Variants in ZC3H3 observed in about 807,000 individuals in gnomAD.
The protein encoded by ZC3H3 is zinc finger CCCH-type containing 3, also known as zinc finger CCCH domain-containing protein 3.
In ZC3H3, 36 loss-of-function variants were observed where a neutral mutation model predicts 77.3. That is an observed-to-expected ratio of 0.47 (90% confidence interval 0.36 to 0.61). The LOEUF is 0.61. Among genes scored for constraint, ZC3H3 ranks in the 20% least tolerant of loss-of-function variants. The pLI is 0.00. For missense variants in ZC3H3, 1,331 were observed against 1,312.2 expected, an observed-to-expected ratio of 1.01 and a Z score of -0.22; for synonymous variants, 626 against 555.2, an observed-to-expected ratio of 1.13 and a Z score of -1.79.
chr8:143,490,780 T>C (rs1238104928), intron 4 of ZC3H3, among the ~76,000 whole-genome samples: 3 of 152,066 alleles, frequency 2.0e-5, no homozygotes, highest in East Asian at 1.9e-4. Flanking sequence ...CCATGAGTGG[T>C]GGTAGGTGCC....
At chr8:143,461,891 A>C (rs1490317632) in intron 9 of ZC3H3, among the ~76,000 whole-genome samples, 1 of 151,320 alleles carries the variant, frequency 6.6e-6, no homozygotes, top group African/African-American at 2.4e-5. Flanking sequence ...CAGCTGTACC[A>C]CTCTAAGTTT....
At position 143,437,898 on chromosome 8, in the gene ZC3H3, T is replaced by C; in HGVS notation, c.*158A>G. ...CCAGGCCCTGCGCACACGCTGGTCA[T>C]GGAAGGTTGAGGGCCAGGCAGGCAG... On this transcript the variant is annotated 3_prime_UTR_variant, in exon 12 of 12. Transcript: ENST00000262577. 2 of 1,015,832 alleles carry C rather than the reference T, an allele frequency of 2.0e-6. No homozygotes were observed. Among genetic ancestry groups the C allele is most frequent in the Non-Finnish European group, 3.0e-6 (2 of 677,796 alleles). The allele number at this position is 1,015,832 out of a possible 1,614,324, so 62.9% of individuals were successfully genotyped here.
At position 143,491,046 on chromosome 8, in the gene ZC3H3, G is replaced by A. The variant is rs140921939; in HGVS notation, c.1716-15461C>T. On this transcript the variant is annotated intron_variant, in intron 4 of 11. Coordinates refer to ENST00000262577, the MANE Select transcript of ZC3H3 (RefSeq NM_015117.3). ...GACATTTTATTTCTTCCTGTCAGGG[G>A]TGGTTTTTCAGTTTCCAGGAATGTC... Among the ~76,000 whole-genome samples the A allele has an allele frequency of 1.6e-3, 251 of 152,366 alleles. 1 individual carries two copies. Among genetic ancestry groups the A allele is most frequent in the Middle Eastern group, 0.014 (4 of 294 alleles).
At chr8:143,537,920 G>A (rs1020754075) in intron 2 of ZC3H3, 83 bp downstream of exon 2, 20 of 1,332,182 alleles carry the variant, frequency 1.5e-5, no homozygotes, top group African/African-American at 1.0e-4. Context: ...GCAAAGCTCC[G>A]AGCTCAGCAG....
intron 3 of ZC3H3, among the ~76,000 whole-genome samples, chr8:143,526,320 G>C (rs920696931): frequency 6.6e-6 from 1 of 152,230 alleles, no homozygotes; most frequent in African/African-American, 2.4e-5. Context: ...AGTGAGCAAG[G>C]GCAGGGCCAG....
At chr8:143,511,162 G>A (rs984139385) in intron 3 of ZC3H3, among the ~76,000 whole-genome samples, 5 of 152,204 alleles carry the variant, frequency 3.3e-5, no homozygotes, top group South Asian at 2.1e-4. Context: ...CAGGCACCTC[G>A]AGAGCCCTGC....
At chr8:143,535,028 A>T (rs1395196822) in intron 3 of ZC3H3, among the ~76,000 whole-genome samples, 2 of 151,208 alleles carry the variant, frequency 1.3e-5, no homozygotes, top group Non-Finnish European at 2.9e-5. Flanking sequence ...GCCTCCCTAG[A>T]TGACGGTACG....
intron 4 of ZC3H3, among the ~76,000 whole-genome samples, chr8:143,490,419 T>C (rs1267297113): frequency 1.3e-5 from 2 of 152,178 alleles, no homozygotes; most frequent in Non-Finnish European, 2.9e-5. Context: ...CCAACTGCAG[T>C]GACCACCCAG....
intron 9 of ZC3H3, among the ~76,000 whole-genome samples, chr8:143,446,113 C>T (rs753674970): frequency 3.3e-5 from 5 of 152,074 alleles, no homozygotes; most frequent in Non-Finnish European, 5.9e-5. Context: ...ATGGGCTTTT[C>T]GAGGCCAGGC....
intron 9 of ZC3H3, among the ~76,000 whole-genome samples, chr8:143,464,435 C>T (rs1011404711): frequency 2.6e-5 from 4 of 152,160 alleles, no homozygotes; most frequent in African/African-American, 9.7e-5. Flanking sequence ...ACCCTTGGCC[C>T]GGCAGCAGGG....
At chr8:143,474,941 C>T (rs569230857) in intron 5 of ZC3H3, among the ~76,000 whole-genome samples, 14 of 152,326 alleles carry the variant, frequency 9.2e-5, no homozygotes, top group Admixed American at 7.2e-4. Flanking sequence ...TGCGCTCGCC[C>T]GGGCGTGTTT....
chr8:143,491,643 A>AC (rs1821206250), intron 4 of ZC3H3, among the ~76,000 whole-genome samples: 1 of 151,642 alleles, frequency 6.6e-6, no homozygotes, highest in South Asian at 2.1e-4. Flanking sequence ...TACAGAGAGG[A>AC]CCCCCCTGTC....
chr8:143,464,141 G>A (rs1023996390), intron 9 of ZC3H3, among the ~76,000 whole-genome samples: 5 of 152,250 alleles, frequency 3.3e-5, no homozygotes, highest in South Asian at 2.1e-4. Flanking sequence ...GGATCTGGCC[G>A]GCTCAGCGCT....
In ZC3H3 at chr8:143,523,258, G is replaced by A. The variant is rs1464164164; in HGVS notation, c.1561+12999C>T. ...CCTCCCACTGCACACAACCCTCCAG[G>A]CTTGCTCCACGTCCCCAGGGGCTAT... On this transcript the variant is annotated intron_variant, in intron 3 of 11. Transcript: ENST00000262577. The A allele has an allele frequency of 3.1e-6, 3 of 957,938 alleles. No homozygotes were observed. The African/African-American group carries it at 5.3e-5, about 17-fold the overall frequency. The allele number at this position is 957,938 out of a possible 1,614,324, so 59.3% of individuals were successfully genotyped here.
At chr8:143,499,329 G>A (rs967033351) in intron 4 of ZC3H3, among the ~76,000 whole-genome samples, 1 of 152,112 alleles carries the variant, frequency 6.6e-6, no homozygotes, top group Non-Finnish European at 1.5e-5. Flanking sequence ...CCAGAGCATG[G>A]TGGGAGCCGG....
chr8:143,526,808 C>T (rs924325626), intron 3 of ZC3H3, among the ~76,000 whole-genome samples: 4 of 152,168 alleles, frequency 2.6e-5, no homozygotes, highest in African/African-American at 7.2e-5. Context: ...CGCCTCAGTG[C>T]CCAGAGCCAC....
intron 4 of ZC3H3, among the ~76,000 whole-genome samples, chr8:143,485,186 G>C (rs1339826854): frequency 6.6e-6 from 1 of 152,232 alleles, no homozygotes; most frequent in East Asian, 1.9e-4. Context: ...CTGGTGCTGA[G>C]AACAGGAGGG....
At chr8:143,508,171 C>T (rs1021450177) in intron 3 of ZC3H3, among the ~76,000 whole-genome samples, 22 of 152,362 alleles carry the variant, frequency 1.4e-4, no homozygotes, top group African/African-American at 5.0e-4. Context: ...AGGGAATGCC[C>T]ACACCACAGG....
intron 9 of ZC3H3, among the ~76,000 whole-genome samples, chr8:143,463,897 G>C (rs1382634672): frequency 6.6e-6 from 1 of 152,278 alleles, no homozygotes. Flanking sequence ...GGAAGGAGCG[G>C]AGATTTACTC....
Sources: allele counts gnomAD v4.1 joint callset (sites outside exome capture counted in the v4.1 genomes callset), GRCh38; gene constraint gnomAD v4.1.1; transcripts MANE v1.5; gene names NCBI Gene and HGNC (gene_info 2026-07-23, HGNC 2026-07-21).